The following EML1 variants were observed in gnomAD, a reference collection of about 807,000 sequenced individuals.
EML1 encodes the protein EMAP like 1.
In EML1, 27 loss-of-function variants were observed where a neutral mutation model predicts 110.4. The observed-to-expected ratio is 0.24, with a 90% CI of 0.18 to 0.34. EML1 has a LOEUF of 0.34. Ranked by LOEUF, EML1 falls within the 10% of genes least tolerant of loss-of-function variation. EML1 has a pLI of 1.00. For missense variants in EML1, 741 were observed against 1,030.9 expected, an observed-to-expected ratio of 0.72 and a Z score of 3.85; for synonymous variants, 344 against 385.8, an observed-to-expected ratio of 0.89 and a Z score of 1.27.
rs1472464241 is a variant in EML1 at position 99,827,409 on chromosome 14, A to G, written c.68-23444A>G. 6.6e-6 allele frequency among the ~76,000 whole-genome samples: 1 copy of G among 152,160 alleles called. No homozygotes were observed. The highest frequency in any genetic ancestry group is 1.5e-5 in the Non-Finnish European group (1 of 68,036). On this transcript the variant is annotated intron_variant, in intron 1 of 21. Transcript: ENST00000262233. This position sits in a 1 kb window ranked among gnomAD's most constrained non-coding sequence, Gnocchi z 4.4. Reference sequence around the variant, plus strand: ...AGAGTAGCGGCACCTAGTAGCCACAAGTAAGGTGCAAATACCCTTGCAGCG... The same window carrying G: ...AGAGTAGCGGCACCTAGTAGCCACAGGTAAGGTGCAAATACCCTTGCAGCG...
At chr14:99,803,975 A>T (rs1009851613) in intron 1 of EML1, among the ~76,000 whole-genome samples, 24 of 152,298 alleles carry the variant, frequency 1.6e-4, no homozygotes, top group Admixed American at 1.6e-3. Context: ...TCCTGTATGC[A>T]AAATGTGGCA....
At chr14:99,744,450 C>T (rs1258603147) in intron 1 of EML1, among the ~76,000 whole-genome samples, 1 of 152,172 alleles carries the variant, frequency 6.6e-6, no homozygotes, top group Non-Finnish European at 1.5e-5. Flanking sequence ...GCCACATGGG[C>T]ACACCAAATG....
At chr14:99,818,964 G>T (rs2058216002) in intron 1 of EML1, among the ~76,000 whole-genome samples, 1 of 152,098 alleles carries the variant, frequency 6.6e-6, no homozygotes, top group Non-Finnish European at 1.5e-5. Flanking sequence ...ATTTTATTTA[G>T]TTTTTTAGAG....
In EML1 at chr14:99,871,798, C is replaced by T. The variant is rs145471341; in HGVS notation, c.383+6152C>T. Among the ~76,000 whole-genome samples, 9 of 152,196 alleles carry T rather than the reference C, an allele frequency of 5.9e-5. No individual in the cohort carries two copies. In the South Asian group the frequency reaches 1.5e-3, roughly 25 times the overall value. On this transcript the variant is annotated intron_variant, in intron 3 of 21. Transcript: ENST00000262233. ...TAGTTTCTTGCGATAGGATCTACTC[C>T]GAGAGAAGATGCTGTGAACACTGTT...
chr14:99,851,806 A>G (rs1371134457), intron 2 of EML1, among the ~76,000 whole-genome samples: 1 of 152,204 alleles, frequency 6.6e-6, no homozygotes, highest in Non-Finnish European at 1.5e-5. Context: ...CTCTGAGCCA[A>G]GCACTGGGGG....
At chr14:99,888,499 G>C (rs1220125543) in intron 4 of EML1, among the ~76,000 whole-genome samples, 1 of 152,182 alleles carries the variant, frequency 6.6e-6, no homozygotes, top group East Asian at 1.9e-4. Context: ...TCTGTAATTA[G>C]ATTTGCCTCG....
At chr14:99,785,170 T>C (rs2140220631) in intron 1 of EML1, among the ~76,000 whole-genome samples, 1 of 152,298 alleles carries the variant, frequency 6.6e-6, no homozygotes, top group South Asian at 2.1e-4. Context: ...TTCTCCTGCC[T>C]CAGTCTCCCC....
chr14:99,819,567 T>C (rs1454510165), intron 1 of EML1, among the ~76,000 whole-genome samples: 1 of 152,226 alleles, frequency 6.6e-6, no homozygotes, highest in Non-Finnish European at 1.5e-5. Context: ...GGAAATGATG[T>C]TAGAAGTGCC....
chr14:99,938,655 C>T (rs1194749836), intron 20 of EML1, among the ~76,000 whole-genome samples: 1 of 152,214 alleles, frequency 6.6e-6, no homozygotes, highest in Non-Finnish European at 1.5e-5. Flanking sequence ...CACCTGGGCT[C>T]AGGGATGCAG....
At chr14:99,863,582 G>A (rs1452818543) in intron 2 of EML1, among the ~76,000 whole-genome samples, 1 of 152,172 alleles carries the variant, frequency 6.6e-6, no homozygotes, top group Non-Finnish European at 1.5e-5. Context: ...TTACTCAAAT[G>A]TCATATAAAT....
chr14:99,838,930 T>TGTGTGTGTGTGTGCGTGC (rs35886892), intron 1 of EML1: 3 of 148,572 alleles, frequency 2.0e-5, no homozygotes, highest in East Asian at 2.0e-4. Flanking sequence ...TGTGTGTGTG[T>TGTGTGTGTGTGTGCGTGC]GCGCGCGCGC....
At position 99,939,225 on chromosome 14, in the gene EML1, C is replaced by G. The variant is rs78181912; in HGVS notation, c.2220C>G (p.Thr740=). ...FGVWPEGSDG[T]DINAVCRAHE... Reference sequence around the variant, plus strand: ...TGTGGCCAGAAGGCTCGGACGGAACCGACATCAATGCCGTCTGTCGGGCCC... The same window carrying G: ...TGTGGCCAGAAGGCTCGGACGGAACGGACATCAATGCCGTCTGTCGGGCCC... The change falls in exon 21 of 22, where the codon ACC becomes ACG. Residue 740 remains threonine, a synonymous_variant. Transcript: ENST00000262233. This position sits in a 1 kb window ranked among gnomAD's most constrained non-coding sequence, Gnocchi z 4.2. 887 of 1,614,184 alleles carry G rather than the reference C, an allele frequency of 5.5e-4. 6 individuals carry two copies. In the African/African-American group the frequency reaches 1.0e-2, roughly 18 times the overall value.
chr14:99,767,644 G>A (rs905820762), intron 1 of EML1, among the ~76,000 whole-genome samples: 3 of 152,136 alleles, frequency 2.0e-5, no homozygotes, highest in African/African-American at 4.8e-5. Context: ...ATGGGAATTA[G>A]GGTTCTCTGT....
chr14:99,792,927 G>C (rs2057693774), upstream of EML1: 1 of 152,228 alleles, frequency 6.6e-6, no homozygotes, highest in Admixed American at 6.5e-5. Context: ...TCCATGTTTG[G>C]TCGTGGAGCT....
chr14:99,831,179 G>A (rs983403398), intron 1 of EML1, among the ~76,000 whole-genome samples: 19 of 152,190 alleles, frequency 1.2e-4, no homozygotes, highest in Non-Finnish European at 2.9e-5. Context: ...TTTTATAAAC[G>A]TACTCTGAGC....
At chr14:99,914,339 T>A in intron 14 of EML1, 35 bp downstream of exon 14, 2 of 1,594,834 alleles carry the variant, frequency 1.3e-6, no homozygotes, top group Non-Finnish European at 8.6e-7. Flanking sequence ...GCAAACACTC[T>A]CATTTTGCAT....
At chr14:99,844,819 C>G (rs143964835) in intron 1 of EML1, among the ~76,000 whole-genome samples, 3,079 of 152,178 alleles carry the variant, frequency 0.02, 55 homozygotes, top group Non-Finnish European at 0.032. Context: ...CAGTATAATG[C>G]CTTTGAGACC....
intron 1 of EML1, among the ~76,000 whole-genome samples, chr14:99,819,386 T>G (rs928968892): frequency 6.6e-6 from 1 of 152,160 alleles, no homozygotes; most frequent in African/African-American, 2.4e-5. Flanking sequence ...CCAATTACAG[T>G]TTATATTTCC....
chr14:99,843,498 A>G (rs1436850671), intron 1 of EML1, among the ~76,000 whole-genome samples: 1 of 152,224 alleles, frequency 6.6e-6, no homozygotes, highest in Non-Finnish European at 1.5e-5. Flanking sequence ...AAAGTATTCT[A>G]AGTACTCTAA....
Sources: gnomAD v4.1 joint callset for allele counts (sites outside exome capture counted in the v4.1 genomes callset) on GRCh38, gnomAD v4.1.1 for gene constraint, Gnocchi (gnomAD v3.1) non-coding constraint, MANE v1.5 for transcripts, NCBI Gene and HGNC (gene_info 2026-07-23, HGNC 2026-07-21) for gene names.